The following UBAC2 variants were observed in gnomAD, a reference collection of about 807,000 sequenced individuals.
The protein encoded by UBAC2 is UBA domain containing 2, also known as ubiquitin-associated domain-containing protein 2.
A neutral mutation model predicts 44.0 loss-of-function variants in UBAC2; 26 were observed. That is an observed-to-expected ratio of 0.59 (90% CI 0.43 to 0.82). UBAC2 has a LOEUF of 0.82. Ranked by LOEUF, UBAC2 falls within the 40% of genes least tolerant of loss-of-function variation. UBAC2 has a pLI of 0.00. For synonymous variants in UBAC2, 155 were observed against 154.3 expected (o/e 1.00, Z -0.04); for missense variants, 329 against 419.4 (o/e 0.78, Z 1.88).
At chr13:99,244,036 G>A in intron 3 of UBAC2, 85 bp downstream of exon 3, 2 of 1,135,738 alleles carry the variant, frequency 1.8e-6, no homozygotes, top group Non-Finnish European at 2.4e-6. Context: ...TAAACTTGGT[G>A]TTGTTATTTA....
At chr13:99,291,401 C>T (rs1364578433) in intron 4 of UBAC2, among the ~76,000 whole-genome samples, 2 of 152,176 alleles carry the variant, frequency 1.3e-5, no homozygotes. Flanking sequence ...TTGTAATCCA[C>T]ATGCTTTTCA....
At chr13:99,287,816 G>A (rs2044039705) in intron 4 of UBAC2, among the ~76,000 whole-genome samples, 1 of 151,816 alleles carries the variant, frequency 6.6e-6, no homozygotes, top group African/African-American at 2.4e-5. Context: ...AACCAATAAT[G>A]TTCAACTTTA....
At chr13:99,264,775 T>C (rs759857123) in intron 4 of UBAC2, among the ~76,000 whole-genome samples, 1 of 152,180 alleles carries the variant, frequency 6.6e-6, no homozygotes, top group Non-Finnish European at 1.5e-5. Flanking sequence ...TCTGTAGGAC[T>C]GTGGATAGGA....
chr13:99,295,315 G>A lies in UBAC2; in HGVS notation c.390-18782G>A, dbSNP rs1464123612. The A allele has an allele frequency of 6.2e-7, 1 of 1,614,002 alleles. No homozygotes were observed. Among genetic ancestry groups the A allele is most frequent in the African/African-American group, 1.3e-5 (1 of 74,912 alleles). On this transcript the variant is annotated intron_variant, in intron 4 of 8. Transcript: ENST00000403766. The surrounding 1 kb of genome is among the most constrained non-coding windows in gnomAD (Gnocchi z 4.1). ...ACGAATGTCTTTGGCTACATTCCAG[G>A]AAATTAGAGAAACGAAGCTTCTTAA...
chr13:99,230,783 G>T (rs1009263572), intron 1 of UBAC2, among the ~76,000 whole-genome samples: 7 of 152,156 alleles, frequency 4.6e-5, no homozygotes, highest in African/African-American at 1.7e-4. Context: ...GGTTGCAGCG[G>T]CTCACGCTTG....
At chr13:99,212,806 T>C (rs1167543002) in intron 1 of UBAC2, among the ~76,000 whole-genome samples, 1 of 152,244 alleles carries the variant, frequency 6.6e-6, no homozygotes, top group Non-Finnish European at 1.5e-5. Context: ...ATCTACAGTT[T>C]CATATTCTGC....
chr13:99,220,941 G>A (rs1457525746), intron 1 of UBAC2, among the ~76,000 whole-genome samples: 1 of 151,402 alleles, frequency 6.6e-6, no homozygotes, highest in African/African-American at 2.4e-5. Context: ...TTAATATTTT[G>A]GTAGATGCTT....
At chr13:99,325,029 A>G (rs1034339347) in intron 6 of UBAC2, among the ~76,000 whole-genome samples, 4 of 152,070 alleles carry the variant, frequency 2.6e-5, no homozygotes, top group African/African-American at 9.7e-5. Context: ...TTTGCCAAGA[A>G]CACCAGGTAG....
chr13:99,329,044 T>C (rs2044678192), intron 6 of UBAC2, among the ~76,000 whole-genome samples: 1 of 152,236 alleles, frequency 6.6e-6, no homozygotes, highest in South Asian at 2.1e-4. Flanking sequence ...TTTGTTCCAT[T>C]ACCAGTTATT....
chr13:99,220,646 C>A (rs973871808), intron 1 of UBAC2, among the ~76,000 whole-genome samples: 1 of 151,810 alleles, frequency 6.6e-6, no homozygotes, highest in African/African-American at 2.4e-5. Flanking sequence ...TTGTAGCATC[C>A]CTGTTTTCAA....
At chr13:99,290,895 T>G (rs946868659) in intron 4 of UBAC2, among the ~76,000 whole-genome samples, 1 of 152,024 alleles carries the variant, frequency 6.6e-6, no homozygotes, top group Non-Finnish European at 1.5e-5. Flanking sequence ...GTAGAGAAAT[T>G]CAGGGGCTTG....
At chr13:99,264,558 G>C (rs773800762) in intron 4 of UBAC2, among the ~76,000 whole-genome samples, 46 of 152,086 alleles carry the variant, frequency 3.0e-4, no homozygotes, top group Non-Finnish European at 6.5e-4. Flanking sequence ...CTGGATAGCT[G>C]TGCAGGAGCC....
At chr13:99,330,794 T>C (rs2044706628) in intron 6 of UBAC2, among the ~76,000 whole-genome samples, 1 of 152,224 alleles carries the variant, frequency 6.6e-6, no homozygotes, top group Admixed American at 6.5e-5. Context: ...TCCACAAATC[T>C]TTTAGAGCTT....
At chr13:99,356,129 C>CA (rs2045178119) in intron 7 of UBAC2, 3 of 532,486 alleles carry the variant, frequency 5.6e-6, no homozygotes, top group Non-Finnish European at 1.2e-5. Context: ...GTCTGTCAGA[C>CA]TGTACACAGT....
Position 99,310,603 on chromosome 13 carries a change from C to T in UBAC2, c.390-3494C>T, listed in dbSNP as rs375015837. Among the ~76,000 whole-genome samples the T allele has an allele frequency of 1.2e-4, 18 of 152,168 alleles. 1 individual carries two copies. Among genetic ancestry groups the T allele is most frequent in the African/African-American group, 4.1e-4 (17 of 41,502 alleles). ...CAACGGAAAATTTCTGCAGAACAGC[C>T]CATATAATTTTGGTCTGAAATGTGT... On this transcript the variant is annotated intron_variant, in intron 4 of 8. Transcript: ENST00000403766.
chr13:99,296,416 T>C (rs190369184), intron 4 of UBAC2, among the ~76,000 whole-genome samples: 1 of 152,336 alleles, frequency 6.6e-6, no homozygotes, highest in East Asian at 1.9e-4. Flanking sequence ...GGCAAAGCTC[T>C]GGCAAAGGAA....
At chr13:99,318,726 CAGG>C (rs1332991979) in intron 6 of UBAC2, among the ~76,000 whole-genome samples, 3 of 147,422 alleles carry the variant, frequency 2.0e-5, no homozygotes, top group Non-Finnish European at 4.5e-5. Context: ...GAGGCTGAGG[CAGG>C]AGAATGGCGT....
intron 4 of UBAC2, among the ~76,000 whole-genome samples, chr13:99,260,102 G>A (rs1433192813): frequency 6.6e-6 from 1 of 152,148 alleles, no homozygotes; most frequent in Non-Finnish European, 1.5e-5. Flanking sequence ...TCTCCCACCT[G>A]ATGGCATGGC....
chr13:99,286,057 C>A (rs913355033), intron 4 of UBAC2, among the ~76,000 whole-genome samples: 8 of 152,170 alleles, frequency 5.3e-5, no homozygotes, highest in African/African-American at 1.7e-4. Flanking sequence ...TCCTGGTAGA[C>A]CAGTCCTTAT....
Sources: allele counts gnomAD v4.1 joint callset (sites outside exome capture counted in the v4.1 genomes callset), GRCh38; gene constraint gnomAD v4.1.1; non-coding constraint Gnocchi (gnomAD v3.1); transcripts MANE v1.5; gene names NCBI Gene and HGNC (gene_info 2026-07-23, HGNC 2026-07-21).